NKAIN2: variants seen among roughly 807,000 people sequenced by gnomAD.
NKAIN2 encodes sodium/potassium-transporting ATPase subunit beta-1-interacting protein 2.
A neutral mutation model predicts 32.6 loss-of-function variants in NKAIN2; 14 were observed. The observed-to-expected ratio is 0.43, with a 90% CI of 0.28 to 0.67. NKAIN2 has a LOEUF of 0.67. NKAIN2 is among the 30% of genes least tolerant of loss of function. NKAIN2 has a pLI of 0.17. For missense variants in NKAIN2, 198 were observed against 258.3 expected, an observed-to-expected ratio of 0.77 and a Z score of 1.60; for synonymous variants, 80 against 87.2, an observed-to-expected ratio of 0.92 and a Z score of 0.46.
intron 4 of NKAIN2, among the ~76,000 whole-genome samples, chr6:124,691,267 G>C (rs552044348): frequency 6.6e-6 from 1 of 152,148 alleles, no homozygotes; most frequent in African/African-American, 2.4e-5. Flanking sequence ...TGACCAGATG[G>C]CAATCTCTGC....
chr6:124,599,929 C>G (rs944385885), intron 3 of NKAIN2, among the ~76,000 whole-genome samples: 1 of 152,046 alleles, frequency 6.6e-6, no homozygotes, highest in Non-Finnish European at 1.5e-5. Flanking sequence ...AAAAGTGGTG[C>G]AGAGCATCAA....
intron 3 of NKAIN2, among the ~76,000 whole-genome samples, chr6:124,480,713 T>C (rs1305835882): frequency 2.0e-5 from 3 of 152,042 alleles, no homozygotes; most frequent in Non-Finnish European, 4.4e-5. Context: ...TCTAGAGGTA[T>C]TTTTATTCTT....
chr6:124,792,047 G>A (rs1369052605), intron 5 of NKAIN2, among the ~76,000 whole-genome samples: 1 of 152,072 alleles, frequency 6.6e-6, no homozygotes, highest in African/African-American at 2.4e-5. Flanking sequence ...GAAACATGGA[G>A]GGTAGAAGGT....
chr6:124,156,842 C>G (rs752132491), intron 1 of NKAIN2, among the ~76,000 whole-genome samples: 7 of 151,774 alleles, frequency 4.6e-5, no homozygotes, highest in African/African-American at 1.7e-4. Context: ...AGTGGCTCAC[C>G]CCTGTAATCC....
intron 1 of NKAIN2, among the ~76,000 whole-genome samples, chr6:124,108,297 G>A (rs1269858434): frequency 1.3e-5 from 2 of 151,890 alleles, no homozygotes; most frequent in Admixed American, 6.6e-5. Flanking sequence ...TCATATACAC[G>A]GTGTTCATGT....
chr6:124,427,992 T>C (rs1431794049), intron 3 of NKAIN2, among the ~76,000 whole-genome samples: 1 of 152,188 alleles, frequency 6.6e-6, no homozygotes, highest in Non-Finnish European at 1.5e-5. Context: ...GACAGATTTT[T>C]CTAACACTTC....
chr6:124,676,294 T>C (rs924258917), intron 4 of NKAIN2, among the ~76,000 whole-genome samples: 2 of 152,194 alleles, frequency 1.3e-5, no homozygotes, highest in Non-Finnish European at 2.9e-5. Flanking sequence ...GAATGTATAT[T>C]CTGCTGCTGT....
At chr6:124,492,862 G>A (rs1777918432) in intron 3 of NKAIN2, among the ~76,000 whole-genome samples, 1 of 152,014 alleles carries the variant, frequency 6.6e-6, no homozygotes, top group South Asian at 2.1e-4. Context: ...TGCCACTAGT[G>A]AACTTCTGAA....
At chr6:123,907,444 A>G (rs1774939091) in intron 1 of NKAIN2, among the ~76,000 whole-genome samples, 1 of 152,276 alleles carries the variant, frequency 6.6e-6, no homozygotes, top group South Asian at 2.1e-4. Flanking sequence ...TTTATTTTAC[A>G]GGTGAGGAAA....
intron 1 of NKAIN2, among the ~76,000 whole-genome samples, chr6:124,048,212 T>A (rs1004265704): frequency 6.6e-6 from 1 of 151,978 alleles, no homozygotes; most frequent in African/African-American, 2.4e-5. Context: ...TCCCAAGATA[T>A]GCAAATAATA....
intron 3 of NKAIN2, among the ~76,000 whole-genome samples, chr6:124,472,889 A>G (rs1481761878): frequency 2.6e-5 from 4 of 152,056 alleles, no homozygotes; most frequent in Non-Finnish European, 5.9e-5. Context: ...TGTGTGTGCT[A>G]TCTAGATATA....
chr6:124,127,944 A>G (rs1786265865), intron 1 of NKAIN2, among the ~76,000 whole-genome samples: 1 of 152,028 alleles, frequency 6.6e-6, no homozygotes. Flanking sequence ...CTCCTACCTC[A>G]CACTCCCAAG....
At chr6:124,442,805 A>G (rs998960227) in intron 3 of NKAIN2, among the ~76,000 whole-genome samples, 3 of 152,076 alleles carry the variant, frequency 2.0e-5, no homozygotes, top group Non-Finnish European at 4.4e-5. Flanking sequence ...CATACAGTCT[A>G]TGTTATGATT....
chr6:124,304,630 A>G (rs1282854790), intron 2 of NKAIN2, among the ~76,000 whole-genome samples: 1 of 152,164 alleles, frequency 6.6e-6, no homozygotes, highest in Non-Finnish European at 1.5e-5. Context: ...AAAAGTCTAT[A>G]ATTGGCCAGG....
At chr6:124,681,349 G>T (rs946694751) in intron 4 of NKAIN2, among the ~76,000 whole-genome samples, 3 of 151,762 alleles carry the variant, frequency 2.0e-5, no homozygotes, top group Admixed American at 6.6e-5. Context: ...CATCTTCTTT[G>T]ATATAAATCA....
intron 5 of NKAIN2, among the ~76,000 whole-genome samples, chr6:124,815,225 C>CATATATATATATATATATACATAT (rs56841213): frequency 7.3e-6 from 1 of 136,998 alleles, no homozygotes; most frequent in African/African-American, 2.6e-5. Context: ...TATATATATA[C>CATATATATATATATATATACATAT]ATATATATAT....
At chr6:124,718,118 GT>G (rs1775843265) in intron 4 of NKAIN2, among the ~76,000 whole-genome samples, 1 of 151,960 alleles carries the variant, frequency 6.6e-6, no homozygotes, top group African/African-American at 2.4e-5. Context: ...CAAAACAAAG[GT>G]TGAATTCAAT....
intron 5 of NKAIN2, among the ~76,000 whole-genome samples, chr6:124,812,064 A>G (rs1236631762): frequency 6.6e-6 from 1 of 152,158 alleles, no homozygotes; most frequent in Admixed American, 6.6e-5. Context: ...ACTCGATAGC[A>G]TTCATCAATG....
At chr6:124,166,881 C>G (rs1411786763) in intron 1 of NKAIN2, among the ~76,000 whole-genome samples, 1 of 146,874 alleles carries the variant, frequency 6.8e-6, no homozygotes, top group Non-Finnish European at 1.5e-5. Flanking sequence ...ATCTATATCT[C>G]TGTTTTGGTA....
Sources: gnomAD v4.1 joint callset for allele counts (sites outside exome capture counted in the v4.1 genomes callset) on GRCh38, gnomAD v4.1.1 for gene constraint, MANE v1.5 for transcripts, NCBI Gene and HGNC (gene_info 2026-07-23, HGNC 2026-07-21) for gene names.